Variants in SLC37A2 observed in about 807,000 individuals in gnomAD.
SLC37A2 encodes the protein solute carrier family 37 member 2, also known as glucose-6-phosphate exchanger SLC37A2.
Under a neutral mutation model 70.7 loss-of-function variants are expected in SLC37A2, and 59 were observed. That is an observed-to-expected ratio of 0.83 (90% CI 0.68 to 1.04). SLC37A2 has a LOEUF of 1.04. Ranked by LOEUF, SLC37A2 falls within the 50% of genes least tolerant of loss-of-function variation. SLC37A2 has a pLI of 0.00. For synonymous variants in SLC37A2, 257 were observed against 262.1 expected, an observed-to-expected ratio of 0.98 and a Z score of 0.19; for missense variants, 580 against 658.1, an observed-to-expected ratio of 0.88 and a Z score of 1.30.
In SLC37A2 at chr11:125,083,536, G is replaced by C. The variant is rs957345970; in HGVS notation, c.977-279G>C. On this transcript the variant is annotated intron_variant, in intron 10 of 17. Transcript: ENST00000403796. The surrounding 1 kb of genome is among the most constrained non-coding windows in gnomAD (Gnocchi z 4.6). Reference sequence around the variant, plus strand: ...AAGGTGGCCACGGGACAGCAGGCTCGGGGGCCAGATCCCAGAGCTTGCCAG... The same window carrying C: ...AAGGTGGCCACGGGACAGCAGGCTCCGGGGCCAGATCCCAGAGCTTGCCAG... The C allele has an allele frequency of 5.2e-6, 2 of 383,780 alleles. No individual in the cohort carries two copies. Among genetic ancestry groups the C allele is most frequent in the Non-Finnish European group, 4.8e-6 (1 of 208,812 alleles). The allele number at this position is 383,780 out of a possible 1,614,324, so 23.8% of individuals were successfully genotyped here.
chr11:125,066,744 GA>G (rs1290740909), intron 1 of SLC37A2, among the ~76,000 whole-genome samples: 88 of 151,932 alleles, frequency 5.8e-4, no homozygotes, highest in African/African-American at 2.0e-3. Flanking sequence ...TTTTTACAGA[GA>G]AAAAATTTTA....
Position 125,063,792 on chromosome 11 carries a change from C to T in SLC37A2, c.59+366C>T, listed in dbSNP as rs560661193. Among the ~76,000 whole-genome samples the T allele has an allele frequency of 6.6e-6, 1 of 152,342 alleles. No homozygotes were observed. Among genetic ancestry groups the T allele is most frequent in the East Asian group, 1.9e-4 (1 of 5,176 alleles). On this transcript the variant is annotated intron_variant, in intron 1 of 17. Coordinates refer to ENST00000403796, the MANE Select transcript of SLC37A2 (RefSeq NM_001145290.2). The surrounding 1 kb of genome is among the most constrained non-coding windows in gnomAD (Gnocchi z 5.4). ...CAGCTGGGGAACCTGGGCTCGAAGG[C>T]TGGGGAACCGAGGCCAGGGGATGGT... is the stretch of plus-strand genomic sequence containing the variant.
In SLC37A2 at chr11:125,089,251, CT is replaced by C. The variant is rs1346403966; in HGVS notation, c.*1120del. ...TTTGACCTGCTGTGCCCATGCTCATCTTTGTCGGGGCTTGGCTTGGCAGCGA... is the reference window on the plus strand; with the variant it reads ...TTTGACCTGCTGTGCCCATGCTCATCTTGTCGGGGCTTGGCTTGGCAGCGA... On this transcript the variant is annotated 3_prime_UTR_variant, in exon 18 of 18. Transcript: ENST00000403796. The C allele has an allele frequency of 6.5e-6, 1 of 152,684 alleles. No individual in the cohort carries two copies. The highest frequency in any genetic ancestry group is 2.4e-5 in the African/African-American group (1 of 41,476). 9.5% of individuals were successfully genotyped at this position (152,684 alleles called of 1,614,324 possible).
intron 12 of SLC37A2, 38 bp from the exon 13 acceptor site, chr11:125,084,787 A>T: frequency 2.5e-6 from 4 of 1,608,730 alleles, no homozygotes; most frequent in Non-Finnish European, 3.4e-6. Context: ...CAGCAAAGGG[A>T]TTCCGGGTGA....
chr11:125,084,117 G>A (rs1325631704), intron 11 of SLC37A2, 117 bp from the exon 12 acceptor site: 5 of 1,166,214 alleles, frequency 4.3e-6, no homozygotes, highest in Non-Finnish European at 6.3e-6. Flanking sequence ...GGAAAAAGCA[G>A]CTCTGCTGGT....
At position 125,082,252 on chromosome 11, in the gene SLC37A2, C is replaced by T. The variant is rs375012752; in HGVS notation, c.894C>T (p.Val298=). 1.4e-5 allele frequency: 23 copies of T among 1,613,790 alleles called. No homozygotes were observed. Among genetic ancestry groups the T allele is most frequent in the Non-Finnish European group, 1.8e-5 (21 of 1,179,926 alleles). Residue 298 remains valine, a synonymous_variant, in exon 10 of 18, where the codon GTC becomes GTT. Transcript: ENST00000403796. Reference sequence around the variant, plus strand: ...CCTGTTGCACTCCCCAGGGCGTGGTCGAGTTCTCTCTGTGTCTGCTGTTTG... The same window carrying T: ...CCTGTTGCACTCCCCAGGGCGTGGTTGAGTTCTCTCTGTGTCTGCTGTTTG... ...FFGALRIPGV[V]EFSLCLLFAK... is the part of the protein sequence containing the mutation.
Position 125,083,587 on chromosome 11 carries a change from G to T in SLC37A2, c.977-228G>T, listed in dbSNP as rs1949172163. Among the ~76,000 whole-genome samples the T allele has an allele frequency of 6.6e-6, 1 of 152,154 alleles. No homozygotes were observed. Among genetic ancestry groups the T allele is most frequent in the African/African-American group, 2.4e-5 (1 of 41,438 alleles). The stretch of plus-strand genomic sequence containing the variant: ...GGAGGGCTTGTTCTGAGAGGTGAAG[G>T]TCATCCTGCAGGGGAAGAGGGCAAC... On this transcript the variant is annotated intron_variant, in intron 10 of 17. Transcript: ENST00000403796. The surrounding 1 kb of genome is among the most constrained non-coding windows in gnomAD (Gnocchi z 4.6).
rs1407358449 is a variant in SLC37A2, at chr11:125,084,879, G to A, written c.1174+6G>A. 1.9e-6 allele frequency: 3 copies of A among 1,613,486 alleles called. No individual in the cohort carries two copies. In the African/African-American group the frequency reaches 4.0e-5, roughly 22 times the overall value. ...CGGGATTGCCAGCTCCATAGGTGAG[G>A]AGGAGGTTGCAAGTCCTGCCAGGCC... is the stretch of plus-strand genomic sequence containing the variant. On this transcript the variant is annotated splice_donor_region_variant and intron_variant, in intron 13 of 17. Coordinates refer to ENST00000403796, the MANE Select transcript of SLC37A2 (RefSeq NM_001145290.2).
rs541032234 is a variant in SLC37A2 at position 125,065,488 on chromosome 11, G to A, written c.59+2062G>A. Among the ~76,000 whole-genome samples the A allele has an allele frequency of 2.6e-5, 4 of 152,298 alleles. No homozygotes were observed. The South Asian group carries it at 6.2e-4, about 24-fold the overall frequency. On this transcript the variant is annotated intron_variant, in intron 1 of 17. Transcript: ENST00000403796. ...ACCAGGTTTTACCTACTGTACTGAT[G>A]TATTTGGGCAAATTCCTCTTCTCAG... is the stretch of plus-strand genomic sequence containing the variant.
chr11:125,086,195 TCTCTATAG>T, intron 17 of SLC37A2, 177 bp downstream of exon 17: 1 of 1,611,294 alleles, frequency 6.2e-7, no homozygotes, highest in Non-Finnish European at 8.5e-7. Flanking sequence ...TCCCCGTGTA[TCTCTATAG>T]CTCTAGTATG....
intron 1 of SLC37A2, among the ~76,000 whole-genome samples, chr11:125,071,211 C>T (rs1949026322): frequency 6.6e-6 from 1 of 152,176 alleles, no homozygotes. Context: ...GCTTCTTGCT[C>T]AGGAGAAGGA....
chr11:125,072,104 G>A (rs1317234927), intron 1 of SLC37A2, among the ~76,000 whole-genome samples: 1 of 151,982 alleles, frequency 6.6e-6, no homozygotes, highest in East Asian at 1.9e-4. Context: ...CCCTCTGCTG[G>A]GCTGTTTCTT....
At chr11:125,079,276 T>C (rs372722104) in intron 5 of SLC37A2, 29 bp downstream of exon 5, 1 of 1,613,390 alleles carries the variant, frequency 6.2e-7, no homozygotes, top group African/African-American at 1.3e-5. Flanking sequence ...CACTTGGGCC[T>C]GTGTTGCCGT....
At chr11:125,086,162 C>A (rs745941023) in intron 17 of SLC37A2, 144 bp downstream of exon 17, 1 of 1,586,424 alleles carries the variant, frequency 6.3e-7, no homozygotes, top group South Asian at 1.1e-5. Flanking sequence ...GTGGCCCTCA[C>A]CCTGCTAACC....
rs1444572378 is a variant in SLC37A2 at position 125,082,236 on chromosome 11, C to T, written c.886-8C>T. On this transcript the variant is annotated splice_region_variant and splice_polypyrimidine_tract_variant and intron_variant, in intron 9 of 17. Coordinates refer to ENST00000403796, the MANE Select transcript of SLC37A2 (RefSeq NM_001145290.2). Reference sequence around the variant, plus strand: ...CCCTTCCCATGTGCCCCCTGTTGCACTCCCCAGGGCGTGGTCGAGTTCTCT... The same window carrying T: ...CCCTTCCCATGTGCCCCCTGTTGCATTCCCCAGGGCGTGGTCGAGTTCTCT... 6.2e-7 allele frequency: 1 copy of T among 1,613,738 alleles called. No individual in the cohort carries two copies.
At chr11:125,071,614 C>T (rs1949029677) in intron 1 of SLC37A2, among the ~76,000 whole-genome samples, 1 of 152,234 alleles carries the variant, frequency 6.6e-6, no homozygotes, top group African/African-American at 2.4e-5. Flanking sequence ...GGGCAAGCCC[C>T]GAGTCATCTC....
intron 7 of SLC37A2, among the ~76,000 whole-genome samples, chr11:125,081,089 T>C (rs1038730160): frequency 6.6e-6 from 1 of 152,064 alleles, no homozygotes; most frequent in Non-Finnish European, 1.5e-5. Flanking sequence ...TGAAGGGACA[T>C]TGTTACAGTG....
At chr11:125,073,083 TG>T (rs1949046403) in intron 1 of SLC37A2, among the ~76,000 whole-genome samples, 1 of 152,096 alleles carries the variant, frequency 6.6e-6, no homozygotes, top group Non-Finnish European at 1.5e-5. Flanking sequence ...TTCAGGGAGT[TG>T]GGGTCAGAGC....
intron 5 of SLC37A2, 90 bp downstream of exon 5, chr11:125,079,337 T>A: frequency 2.6e-6 from 4 of 1,521,098 alleles, no homozygotes; most frequent in Non-Finnish European, 3.6e-6. Flanking sequence ...GAGCCTGTGT[T>A]CCTGGCTCCC....
Sources: allele counts gnomAD v4.1 joint callset (sites outside exome capture counted in the v4.1 genomes callset), GRCh38; gene constraint gnomAD v4.1.1; non-coding constraint Gnocchi (gnomAD v3.1); transcripts MANE v1.5; gene names NCBI Gene and HGNC (gene_info 2026-07-23, HGNC 2026-07-21).